The following SLC2A13 variants were observed in gnomAD, a reference collection of about 807,000 sequenced individuals.
SLC2A13 encodes solute carrier family 2 member 13, also known as proton myo-inositol cotransporter.
SLC2A13 carries 32 observed loss-of-function variants against 64.4 expected under a neutral mutation model. The observed-to-expected ratio is 0.50, with a 90% CI of 0.37 to 0.67. The LOEUF is 0.67. Among genes scored for constraint, SLC2A13 ranks in the 30% least tolerant of loss-of-function variants. SLC2A13 has a pLI of 0.00. For synonymous variants in SLC2A13, 338 were observed against 327.1 expected (o/e 1.03, Z -0.36); for missense variants, 743 against 829.2 (o/e 0.90, Z 1.28).
intron 4 of SLC2A13, among the ~76,000 whole-genome samples, chr12:39,883,729 C>A (rs1944399985): frequency 6.6e-6 from 1 of 152,110 alleles, no homozygotes. Flanking sequence ...ATAAAAGCAA[C>A]ATTTTAGAGC....
intron 4 of SLC2A13, among the ~76,000 whole-genome samples, chr12:39,902,302 G>T (rs999069540): frequency 6.6e-6 from 1 of 151,334 alleles, no homozygotes; most frequent in African/African-American, 2.4e-5. Flanking sequence ...TAACTAACCT[G>T]CACATTGTGC....
chr12:39,977,810 G>C (rs961082006), intron 3 of SLC2A13, among the ~76,000 whole-genome samples: 4 of 152,228 alleles, frequency 2.6e-5, no homozygotes, highest in East Asian at 1.9e-4. Flanking sequence ...AAAAAGAAGA[G>C]ATTCCTATAA....
At chr12:39,848,594 C>A (rs1419680199) in intron 6 of SLC2A13, among the ~76,000 whole-genome samples, 1 of 152,078 alleles carries the variant, frequency 6.6e-6, no homozygotes, top group Admixed American at 6.6e-5. Context: ...ACTAATTCAC[C>A]CATTGTGGAA....
At chr12:40,020,641 C>T (rs1252435817) in intron 3 of SLC2A13, among the ~76,000 whole-genome samples, 2 of 151,982 alleles carry the variant, frequency 1.3e-5, no homozygotes, top group African/African-American at 4.8e-5. Flanking sequence ...CTAAAATGTC[C>T]CAACACTAAA....
At chr12:39,938,107 G>A (rs570795903) in intron 4 of SLC2A13, among the ~76,000 whole-genome samples, 1 of 152,204 alleles carries the variant, frequency 6.6e-6, no homozygotes, top group East Asian at 1.9e-4. Flanking sequence ...TTCCACAAAC[G>A]CCTGGGACTT....
intron 4 of SLC2A13, among the ~76,000 whole-genome samples, chr12:39,936,295 A>G (rs1343789807): frequency 6.6e-6 from 1 of 152,178 alleles, no homozygotes; most frequent in Non-Finnish European, 1.5e-5. Flanking sequence ...GACAATTCCA[A>G]TCTATTGTGG....
chr12:39,976,527 T>C (rs1463194824), intron 3 of SLC2A13, among the ~76,000 whole-genome samples: 1 of 152,332 alleles, frequency 6.6e-6, no homozygotes, highest in African/African-American at 2.4e-5. Context: ...ACCTCTGGTA[T>C]TTCCCACTTG....
chr12:40,091,378 GAC>G (rs1938762226), intron 1 of SLC2A13, among the ~76,000 whole-genome samples: 5 of 152,092 alleles, frequency 3.3e-5, no homozygotes. Context: ...TACTTATGTT[GAC>G]ACTATTGTTA....
intron 3 of SLC2A13, among the ~76,000 whole-genome samples, chr12:40,004,913 G>A (rs28370647): frequency 0.12 from 18,552 of 152,136 alleles, 1,220 homozygotes; most frequent in East Asian, 0.19. Context: ...AGGGATTATC[G>A]TACAGGTCTT....
At chr12:39,922,192 C>T (rs1237323701) in intron 4 of SLC2A13, among the ~76,000 whole-genome samples, 1 of 152,136 alleles carries the variant, frequency 6.6e-6, no homozygotes. Context: ...CTCAGAAAAC[C>T]ATACTAAAGA....
intron 7 of SLC2A13, among the ~76,000 whole-genome samples, chr12:39,774,321 A>C (rs916865045): frequency 6.6e-6 from 1 of 152,190 alleles, no homozygotes; most frequent in Non-Finnish European, 1.5e-5. Flanking sequence ...ACTTCCGGGC[A>C]TCCCTTCAAA....
At chr12:39,845,540 T>C (rs1275150015) in intron 6 of SLC2A13, among the ~76,000 whole-genome samples, 1 of 152,152 alleles carries the variant, frequency 6.6e-6, no homozygotes, top group Non-Finnish European at 1.5e-5. Context: ...CATGAAAAAC[T>C]ATATGTGTGA....
chr12:39,869,384 G>T (rs1242442124), intron 5 of SLC2A13, among the ~76,000 whole-genome samples: 1 of 152,206 alleles, frequency 6.6e-6, no homozygotes, highest in Non-Finnish European at 1.5e-5. Flanking sequence ...ACAGGTAAAA[G>T]AGGAGACCTG....
intron 7 of SLC2A13, among the ~76,000 whole-genome samples, chr12:39,785,239 C>T (rs2086581061): frequency 6.6e-6 from 1 of 152,154 alleles, no homozygotes; most frequent in African/African-American, 2.4e-5. Context: ...CTGGGGTCCC[C>T]ATGCTGTGTG....
intron 3 of SLC2A13, among the ~76,000 whole-genome samples, chr12:40,002,480 A>T (rs1039084274): frequency 6.6e-6 from 1 of 152,252 alleles, no homozygotes; most frequent in East Asian, 1.9e-4. Context: ...CTCAGAAAGC[A>T]ACAAAATAAA....
intron 6 of SLC2A13, among the ~76,000 whole-genome samples, chr12:39,833,770 C>T (rs1423589017): frequency 6.6e-6 from 1 of 151,980 alleles, no homozygotes; most frequent in African/African-American, 2.4e-5. Context: ...CCTTATTCCT[C>T]CACAAATTTC....
At chr12:39,946,148 G>A (rs1240020340) in intron 4 of SLC2A13, among the ~76,000 whole-genome samples, 1 of 152,152 alleles carries the variant, frequency 6.6e-6, no homozygotes, top group Non-Finnish European at 1.5e-5. Context: ...GCCACGCAGC[G>A]AGTCTACCTG....
chr12:39,903,509 G>A (rs1472405622), intron 4 of SLC2A13, among the ~76,000 whole-genome samples: 1 of 152,050 alleles, frequency 6.6e-6, no homozygotes, highest in East Asian at 1.9e-4. Flanking sequence ...TTTTTGGGAA[G>A]AGTGAGGGAA....
chr12:39,845,738 A>G (rs562335938), intron 6 of SLC2A13, among the ~76,000 whole-genome samples: 3 of 152,132 alleles, frequency 2.0e-5, no homozygotes, highest in African/African-American at 4.8e-5. Flanking sequence ...TGCTCTCACA[A>G]CTAGACCCTA....
Sources: allele counts gnomAD v4.1 joint callset (sites outside exome capture counted in the v4.1 genomes callset), GRCh38; gene constraint gnomAD v4.1.1; transcripts MANE v1.5; gene names NCBI Gene and HGNC (gene_info 2026-07-23, HGNC 2026-07-21).